Variants in ZBTB16 observed in about 807,000 individuals in gnomAD.
ZBTB16 encodes zinc finger and BTB domain containing 16.
In ZBTB16, 8 loss-of-function variants were observed where a neutral mutation model predicts 56.8. The ratio of observed to expected loss-of-function variants is 0.14; its 90% confidence interval spans 0.08 to 0.25. The LOEUF (loss-of-function observed/expected upper bound fraction) is 0.25. Among genes scored for constraint, ZBTB16 ranks in the 10% least tolerant of loss-of-function variants. ZBTB16 has a pLI of 1.00. For synonymous variants in ZBTB16, 363 were observed against 368.5 expected (o/e 0.98, Z 0.17); for missense variants, 625 against 903.0 (o/e 0.69, Z 3.95).
intron 2 of ZBTB16, among the ~76,000 whole-genome samples, chr11:114,106,258 C>A (rs1205945807): frequency 6.6e-6 from 1 of 152,190 alleles, no homozygotes; most frequent in East Asian, 1.9e-4. Context: ...GACTACTCAT[C>A]CCTTCCCCCT....
intron 3 of ZBTB16, among the ~76,000 whole-genome samples, chr11:114,184,477 A>G (rs1028012950): frequency 6.6e-6 from 1 of 152,160 alleles, no homozygotes; most frequent in African/African-American, 2.4e-5. Flanking sequence ...CTCAGACCCC[A>G]CCCATGGAGT....
rs186040470 is a variant in ZBTB16, at chr11:114,254,349, C to T, written c.*3794C>T. On this transcript the variant is annotated 3_prime_UTR_variant, in exon 7 of 7. Transcript: ENST00000335953. The stretch of plus-strand genomic sequence containing the variant: ...ATTCAGTACAATCCAAGGGATGCAA[C>T]GCGGGCTTGTTTAATCTTTGTGCCT... Among the ~76,000 whole-genome samples the T allele has an allele frequency of 2.7e-3, 409 of 151,932 alleles. 1 individual carries two copies. The highest frequency in any genetic ancestry group is 8.9e-3 in the South Asian group (43 of 4,812).
Position 114,187,277 on chromosome 11 carries a change from A to G in ZBTB16, c.1453+239A>G, listed in dbSNP as rs1943382597. The G allele has an allele frequency of 2.6e-5, 16 of 613,398 alleles. No homozygotes were observed. In the South Asian group the frequency reaches 2.9e-4, roughly 11 times the overall value. 38.0% of individuals were successfully genotyped at this position (613,398 alleles called of 1,614,324 possible). On this transcript the variant is annotated intron_variant, in intron 4 of 6. Coordinates refer to ENST00000335953, the MANE Select transcript of ZBTB16 (RefSeq NM_006006.6). ...AATGGCTGTCCTAGATTAGGCCAAG[A>G]TCTGTCTCTAACCAGCCACTGAGAG... is the stretch of plus-strand genomic sequence containing the variant.
chr11:114,148,336 G>GTCCTTCCTTC (rs1942165328), intron 2 of ZBTB16, among the ~76,000 whole-genome samples: 23 of 52,598 alleles, frequency 4.4e-4, no homozygotes, highest in African/African-American at 1.4e-3. Context: ...TGGCTGGCTG[G>GTCCTTCCTTC]CTTCCTTCCT....
chr11:114,226,701 G>A (rs1197508779), intron 4 of ZBTB16, among the ~76,000 whole-genome samples: 1 of 152,130 alleles, frequency 6.6e-6, no homozygotes, highest in East Asian at 1.9e-4. Flanking sequence ...CCCATGAGGA[G>A]CATGCACACC....
chr11:114,083,468 G>T (rs537193718), intron 2 of ZBTB16, among the ~76,000 whole-genome samples: 70 of 152,304 alleles, frequency 4.6e-4, no homozygotes, highest in African/African-American at 1.5e-3. Context: ...GCTGGCTCCA[G>T]GGGGCCGTGG....
chr11:114,134,120 C>T (rs1196378383), intron 2 of ZBTB16, among the ~76,000 whole-genome samples: 1 of 152,166 alleles, frequency 6.6e-6, no homozygotes, highest in African/African-American at 2.4e-5. Context: ...AAATGCTTAA[C>T]ATAATCTGAA....
chr11:114,238,069 A>G (rs1208602070), intron 4 of ZBTB16, among the ~76,000 whole-genome samples: 1 of 152,142 alleles, frequency 6.6e-6, no homozygotes, highest in Non-Finnish European at 1.5e-5. Context: ...CCTGTTGGCC[A>G]GTTGTGGAAC....
intron 2 of ZBTB16, among the ~76,000 whole-genome samples, chr11:114,109,016 G>A (rs1421904415): frequency 6.6e-6 from 1 of 152,208 alleles, no homozygotes; most frequent in African/African-American, 2.4e-5. Flanking sequence ...CACTTTTGGA[G>A]TGGGGACGGG....
At chr11:114,211,478 A>G (rs1428600509) in intron 4 of ZBTB16, among the ~76,000 whole-genome samples, 1 of 152,174 alleles carries the variant, frequency 6.6e-6, no homozygotes, top group Non-Finnish European at 1.5e-5. Flanking sequence ...AGATAACAGG[A>G]TACACATGAA....
At chr11:114,148,457 G>C (rs12798351) in intron 2 of ZBTB16, among the ~76,000 whole-genome samples, 26,420 of 59,070 alleles carry the variant, frequency 0.45, 8,332 homozygotes, top group African/African-American at 0.59. Flanking sequence ...CTGTCTGTCT[G>C]TCTCTCTCTC....
At chr11:114,233,008 G>T (rs1944472395) in intron 4 of ZBTB16, among the ~76,000 whole-genome samples, 1 of 149,896 alleles carries the variant, frequency 6.7e-6, no homozygotes, top group Non-Finnish European at 1.5e-5. Context: ...ATACCTCTCC[G>T]GATTTACTTT....
chr11:114,246,424 ATCTT>A (rs1449892944), intron 5 of ZBTB16, among the ~76,000 whole-genome samples: 1 of 152,086 alleles, frequency 6.6e-6, no homozygotes, highest in Non-Finnish European at 1.5e-5. Flanking sequence ...TGAGACTAAT[ATCTT>A]TCTTTAAGTT....
chr11:114,253,718 C>T lies in ZBTB16; in HGVS notation c.*3163C>T, dbSNP rs1944954612. Among the ~76,000 whole-genome samples, 1 of 152,222 alleles carries T rather than the reference C, an allele frequency of 6.6e-6. No homozygotes were observed. The highest frequency in any genetic ancestry group is 2.1e-4 in the South Asian group (1 of 4,828). ...AGACACCTGAATAGAGTCTAACATGCCTCTTCTCCAACTTCCTACCTACAA... is the reference window on the plus strand; with the variant it reads ...AGACACCTGAATAGAGTCTAACATGTCTCTTCTCCAACTTCCTACCTACAA... On this transcript the variant is annotated 3_prime_UTR_variant, in exon 7 of 7. Coordinates refer to ENST00000335953, the MANE Select transcript of ZBTB16 (RefSeq NM_006006.6).
intron 1 of ZBTB16, chr11:114,061,566 G>T: frequency 6.6e-6 from 1 of 152,492 alleles, no homozygotes; most frequent in Non-Finnish European, 1.5e-5. Context: ...GTGGAGGCAA[G>T]CAAGCAGTGT....
intron 3 of ZBTB16, 131 bp downstream of exon 3, chr11:114,156,565 C>T (rs1942417711): frequency 1.2e-6 from 1 of 839,458 alleles, no homozygotes; most frequent in Non-Finnish European, 2.0e-6. Flanking sequence ...ATCTTGTTCC[C>T]TGGACCCTCC....
chr11:114,171,031 G>A (rs986481619), intron 3 of ZBTB16, among the ~76,000 whole-genome samples: 5 of 152,196 alleles, frequency 3.3e-5, no homozygotes, highest in African/African-American at 1.2e-4. Context: ...TGGGGGGCCA[G>A]TTTTGCATTA....
intron 3 of ZBTB16, among the ~76,000 whole-genome samples, chr11:114,166,657 G>A (rs1156272855): frequency 6.6e-6 from 1 of 152,110 alleles, no homozygotes; most frequent in African/African-American, 2.4e-5. Context: ...TGCAAAGCCT[G>A]CTTTACCTTT....
chr11:114,083,339 T>C (rs1290181739), intron 2 of ZBTB16, among the ~76,000 whole-genome samples: 1 of 152,074 alleles, frequency 6.6e-6, no homozygotes, highest in Non-Finnish European at 1.5e-5. Flanking sequence ...CAACCTGCAG[T>C]ATAGACATCC....
Sources: gnomAD v4.1 joint callset for allele counts (sites outside exome capture counted in the v4.1 genomes callset) on GRCh38, gnomAD v4.1.1 for gene constraint, MANE v1.5 for transcripts, NCBI Gene and HGNC (gene_info 2026-07-23, HGNC 2026-07-21) for gene names.